The following ATXN7L1 variants were observed in gnomAD, a reference collection of about 807,000 sequenced individuals.
The protein encoded by ATXN7L1 is ataxin 7 like 1, also known as ataxin-7-like protein 1.
In ATXN7L1, 15 loss-of-function variants were observed where a neutral mutation model predicts 70.8. The ratio of observed to expected loss-of-function variants is 0.21; its 90% CI spans 0.14 to 0.33. The LOEUF (loss-of-function observed/expected upper bound fraction) is 0.33, where lower values mean the gene tolerates loss of function less well. Ranked by LOEUF, ATXN7L1 falls within the 10% of genes least tolerant of loss-of-function variation. The pLI is 1.00. For synonymous variants in ATXN7L1, 440 were observed against 445.1 expected, an observed-to-expected ratio of 0.99 and a Z score of 0.14; for missense variants, 975 against 1,097.1, an observed-to-expected ratio of 0.89 and a Z score of 1.57.
intron 4 of ATXN7L1, chr7:105,649,440 G>A (rs1444183778): frequency 2.0e-6 from 2 of 987,738 alleles, no homozygotes; most frequent in Non-Finnish European, 2.4e-6. Flanking sequence ...AGTTGCCCAC[G>A]TCTTCTTCCT....
chr7:105,813,483 A>G (rs1171117378), intron 2 of ATXN7L1, among the ~76,000 whole-genome samples: 5 of 152,016 alleles, frequency 3.3e-5, no homozygotes, highest in Non-Finnish European at 5.9e-5. Flanking sequence ...GATTATAGGC[A>G]TGTGCCACCA....
At chr7:105,787,659 T>G (rs1019508795) in intron 3 of ATXN7L1, among the ~76,000 whole-genome samples, 1 of 152,118 alleles carries the variant, frequency 6.6e-6, no homozygotes, top group Non-Finnish European at 1.5e-5. Context: ...AGTCAGAAAT[T>G]CGGAACGTGA....
intron 3 of ATXN7L1, among the ~76,000 whole-genome samples, chr7:105,742,737 G>T (rs1798149617): frequency 6.6e-6 from 1 of 152,130 alleles, no homozygotes; most frequent in Non-Finnish European, 1.5e-5. Flanking sequence ...AGCTAAGCTT[G>T]CAGACTGTTT....
intron 3 of ATXN7L1, among the ~76,000 whole-genome samples, chr7:105,726,694 G>A (rs1795856546): frequency 6.6e-6 from 1 of 152,156 alleles, no homozygotes; most frequent in African/African-American, 2.4e-5. Flanking sequence ...TGTTTGCCCA[G>A]TGAATGAACT....
In ATXN7L1 at chr7:105,643,117, G is replaced by A. The variant is rs945240741; in HGVS notation, c.583C>T (p.Pro195Ser). 24 of 1,509,588 alleles carry A rather than the reference G, an allele frequency of 1.6e-5. No individual in the cohort carries two copies. Among genetic ancestry groups the A allele is most frequent in the Non-Finnish European group, 2.1e-5 (24 of 1,124,896 alleles). The allele number at this position is 1,509,588 out of a possible 1,614,324, so 93.5% of individuals were successfully genotyped here. A position where few individuals can be genotyped will look rare whatever the true frequency, so the allele number is the denominator to read the frequency against. ...TTCTCTAAACTGACTACAGGAACTG[G>A]AACACTGAAAAATAAATGAACAAAC... ...AKGSRDKPCV[P>S]VPVVSLEKIP... is the part of the protein sequence containing the mutation. The change falls in exon 5 of 12, where the codon CCA (proline) becomes TCA (serine). Residue 195 changes from proline to serine, a missense_variant. Physicochemically the swap from Pro to Ser is moderately conservative, Grantham distance 74 (BLOSUM62 -1). This residue lies in a region of ATXN7L1 where 192 missense variants were observed against 215.5 expected (regional missense o/e 0.89). Coordinates refer to ENST00000419735, the MANE Select transcript of ATXN7L1 (RefSeq NM_020725.2).
intron 2 of ATXN7L1, among the ~76,000 whole-genome samples, chr7:105,869,702 T>C (rs769379358): frequency 3.3e-5 from 5 of 152,222 alleles, no homozygotes; most frequent in Admixed American, 6.5e-5. Flanking sequence ...CCAGTTTATC[T>C]ACATCACATC....
At chr7:105,664,355 G>A (rs1378271462) in intron 4 of ATXN7L1, among the ~76,000 whole-genome samples, 4 of 150,996 alleles carry the variant, frequency 2.6e-5, no homozygotes, top group African/African-American at 4.9e-5. Context: ...CCTTTTCTTA[G>A]ACACAACTTG....
chr7:105,826,396 T>C (rs947558030), intron 2 of ATXN7L1, among the ~76,000 whole-genome samples: 1 of 152,232 alleles, frequency 6.6e-6, no homozygotes. Flanking sequence ...TCCAATTCTA[T>C]GACTGCATGG....
At chr7:105,741,226 A>T (rs1185745662) in intron 3 of ATXN7L1, among the ~76,000 whole-genome samples, 2 of 152,286 alleles carry the variant, frequency 1.3e-5, no homozygotes, top group African/African-American at 4.8e-5. Context: ...AGGACAGAAC[A>T]GAGCTCAGGG....
chr7:105,814,327 G>A (rs1457141246), intron 2 of ATXN7L1, among the ~76,000 whole-genome samples: 1 of 152,138 alleles, frequency 6.6e-6, no homozygotes, highest in African/African-American at 2.4e-5. Flanking sequence ...CCCGCCTCCT[G>A]CCACTTGAAG....
intron 9 of ATXN7L1, among the ~76,000 whole-genome samples, chr7:105,616,017 A>G (rs997415911): frequency 6.6e-6 from 1 of 152,236 alleles, no homozygotes; most frequent in African/African-American, 2.4e-5. Flanking sequence ...TTTGCAGGAA[A>G]GCACATGGCC....
chr7:105,819,582 C>T (rs578185268), intron 2 of ATXN7L1: 4 of 1,051,702 alleles, frequency 3.8e-6, no homozygotes, highest in Non-Finnish European at 6.0e-6. Context: ...ACTGCTGGGC[C>T]GGAAGGTGGA....
chr7:105,867,019 AC>A (rs1241823211), intron 2 of ATXN7L1, among the ~76,000 whole-genome samples: 1 of 152,114 alleles, frequency 6.6e-6, no homozygotes. Context: ...AATGCAACCA[AC>A]CCGGAAAACC....
intron 2 of ATXN7L1, among the ~76,000 whole-genome samples, chr7:105,830,533 T>G (rs1811460811): frequency 1.3e-5 from 2 of 152,244 alleles, no homozygotes; most frequent in Admixed American, 1.3e-4. Context: ...GATTTGGCAG[T>G]GGAAGATAAC....
At chr7:105,716,036 T>C (rs1402623911) in intron 3 of ATXN7L1, among the ~76,000 whole-genome samples, 1 of 151,798 alleles carries the variant, frequency 6.6e-6, no homozygotes, top group Non-Finnish European at 1.5e-5. Flanking sequence ...AAAAAAGAGA[T>C]GGTGTTGGAG....
intron 2 of ATXN7L1, among the ~76,000 whole-genome samples, chr7:105,794,386 A>T (rs979840233): frequency 6.6e-6 from 1 of 152,202 alleles, no homozygotes; most frequent in Admixed American, 6.5e-5. Flanking sequence ...CAGTGATGCC[A>T]TGTTGGTAGC....
chr7:105,740,222 C>T (rs750659220), intron 3 of ATXN7L1, among the ~76,000 whole-genome samples: 10 of 152,138 alleles, frequency 6.6e-5, no homozygotes, highest in Non-Finnish European at 1.3e-4. Context: ...CCAGACAGCA[C>T]CATGCTGACC....
At chr7:105,645,283 TG>T (rs1241668561) in intron 4 of ATXN7L1, among the ~76,000 whole-genome samples, 5 of 152,162 alleles carry the variant, frequency 3.3e-5, no homozygotes, top group African/African-American at 7.2e-5. Context: ...CAATTAAAAA[TG>T]TTTTACATGT....
intron 3 of ATXN7L1, among the ~76,000 whole-genome samples, chr7:105,736,041 T>C (rs1338034817): frequency 6.6e-6 from 1 of 152,198 alleles, no homozygotes; most frequent in Non-Finnish European, 1.5e-5. Context: ...CTAATCATTT[T>C]CTTGGCTTCT....
Sources: allele counts gnomAD v4.1 joint callset (sites outside exome capture counted in the v4.1 genomes callset), GRCh38; gene constraint gnomAD v4.1.1; regional missense constraint gnomAD v4.1.1; transcripts MANE v1.5; gene names NCBI Gene and HGNC (gene_info 2026-07-23, HGNC 2026-07-21).